BID: variants seen among roughly 807,000 people sequenced by gnomAD.
BID encodes BH3 interacting domain death agonist.
In BID, 19 loss-of-function variants were observed where a neutral mutation model predicts 17.4. The ratio of observed to expected loss-of-function variants is 1.09; its 90% CI spans 0.76 to 1.60. The LOEUF (loss-of-function observed/expected upper bound fraction) is 1.60, where lower values mean the gene tolerates loss of function less well. BID is among the 40% of genes most tolerant of loss of function. BID has a pLI of 0.00. For synonymous variants in BID, 108 were observed against 102.8 expected (o/e 1.05, Z -0.31); for missense variants, 226 against 256.0 (o/e 0.88, Z 0.80).
intron 1 of BID, among the ~76,000 whole-genome samples, chr22:17,759,255 A>AAAACAAAAAAAAC (rs1569049684): frequency 1.3e-5 from 2 of 149,914 alleles, no homozygotes; most frequent in Non-Finnish European, 3.0e-5. Context: ...ACAAAAAAAA[A>AAAACAAAAAAAAC]AAAACAAAAG....
intron 2 of BID, among the ~76,000 whole-genome samples, chr22:17,748,100 T>G (rs2061507367): frequency 6.7e-6 from 1 of 149,408 alleles, no homozygotes; most frequent in South Asian, 2.1e-4. Context: ...TCCCAGCTAC[T>G]CGAGAGGCTG....
Position 17,746,267 on chromosome 22 carries a change from C to T in BID, c.13-2254G>A, listed in dbSNP as rs138087252. Among the ~76,000 whole-genome samples, 887 of 152,258 alleles carry T rather than the reference C, an allele frequency of 5.8e-3. 9 individuals are homozygous for T. The highest frequency in any genetic ancestry group is 7.0e-3 in the Non-Finnish European group (479 of 68,010). ...AGCGCAGAAAGAGTCCCTCTCCATGCGATACCGGAAGCCCAGTCCCCACCA... is the reference window on the plus strand; with the variant it reads ...AGCGCAGAAAGAGTCCCTCTCCATGTGATACCGGAAGCCCAGTCCCCACCA... On this transcript the variant is annotated intron_variant, in intron 2 of 5. Coordinates refer to ENST00000622694, the MANE Select transcript of BID (RefSeq NM_001196.4).
chr22:17,752,420 A>C (rs1403972933), intron 1 of BID, among the ~76,000 whole-genome samples: 1 of 152,232 alleles, frequency 6.6e-6, no homozygotes, highest in Non-Finnish European at 1.5e-5. Context: ...GTTCAAATAC[A>C]TAGCAAATAC....
chr22:17,746,542 CAGTT>C (rs1030817774), intron 2 of BID, among the ~76,000 whole-genome samples: 3 of 152,210 alleles, frequency 2.0e-5, no homozygotes, highest in Admixed American at 1.3e-4. Context: ...CCTGGTGACA[CAGTT>C]AGTGCTGGGC....
chr22:17,737,643 C>T (rs1348224744), intron 5 of BID, among the ~76,000 whole-genome samples: 1 of 152,208 alleles, frequency 6.6e-6, no homozygotes, highest in Non-Finnish European at 1.5e-5. Context: ...ACCGCACTGG[C>T]CACATTACAC....
Position 17,774,399 on chromosome 22 carries a change from G to A in BID, c.-77C>T, listed in dbSNP as rs1225081513. On this transcript the variant is annotated 5_prime_UTR_variant, in exon 1 of 6. Coordinates refer to ENST00000622694, the MANE Select transcript of BID (RefSeq NM_001196.4). ...CACTCACCACCCTCCAGCCGCGGGG[G>A]CGCGGGCGCGTCCGGGCCGAGGCAG... 1.6e-5 allele frequency: 4 copies of A among 245,034 alleles called. No individual in the cohort carries two copies. Among genetic ancestry groups the A allele is most frequent in the South Asian group, 7.3e-5 (2 of 27,568 alleles). 15.2% of individuals were successfully genotyped at this position (245,034 alleles called of 1,614,324 possible). A position where few individuals can be genotyped will look rare whatever the true frequency, so the allele number is the denominator to read the frequency against.
At chr22:17,774,045 C>G (rs991393347) in intron 1 of BID, 1 of 366,244 alleles carries the variant, frequency 2.7e-6, no homozygotes, top group South Asian at 2.7e-5. Flanking sequence ...GGCCCCTCCC[C>G]CTCCCCGCGC....
Position 17,743,810 on chromosome 22 carries a change from T to C in BID, c.216A>G (p.Ile72Met). The change falls in exon 3 of 6, where the codon ATA becomes ATG. Residue 72 changes from isoleucine (I) to methionine (M), a missense_variant. Transcript: ENST00000622694. ...NRSSHSRLGR[I>M]EADSESQEDI... is the part of the protein sequence containing the mutation. ...GTGGGGCCGGCCGCCTACCTGCCTC[T>C]ATTCTTCCCAAGCGGGAGTGGCTGC... The C allele has an allele frequency of 6.2e-7, 1 of 1,612,148 alleles. No individual in the cohort carries two copies. Among genetic ancestry groups the C allele is most frequent in the Non-Finnish European group, 8.5e-7 (1 of 1,179,396 alleles).
chr22:17,742,270 G>A (rs550084548), intron 3 of BID, among the ~76,000 whole-genome samples: 7 of 131,960 alleles, frequency 5.3e-5, no homozygotes, highest in Non-Finnish European at 1.1e-4. Context: ...GGCAAAGGCC[G>A]GCATGGAGAA....
At chr22:17,754,330 G>T (rs923702925) in intron 1 of BID, among the ~76,000 whole-genome samples, 1 of 152,250 alleles carries the variant, frequency 6.6e-6, no homozygotes, top group Non-Finnish European at 1.5e-5. Flanking sequence ...AGGCCCCTCC[G>T]CAGGCCTCCC....
chr22:17,768,872 C>CAAA (rs56172842), intron 1 of BID, among the ~76,000 whole-genome samples: 1 of 73,710 alleles, frequency 1.4e-5, no homozygotes, highest in Non-Finnish European at 2.8e-5. Flanking sequence ...GACTCCGTCT[C>CAAA]AAAAAAAAAA....
intron 1 of BID, among the ~76,000 whole-genome samples, chr22:17,756,435 CTTT>C (rs2061586791): frequency 3.7e-5 from 1 of 26,968 alleles, no homozygotes; most frequent in South Asian, 1.9e-3. Context: ...TTTCTTTCTT[CTTT>C]CTTTCTTTCT....
chr22:17,757,386 G>A (rs1256052856), intron 1 of BID, among the ~76,000 whole-genome samples: 2 of 116,230 alleles, frequency 1.7e-5, no homozygotes, highest in Non-Finnish European at 3.3e-5. Flanking sequence ...CTGGGCAACA[G>A]AGCCTGACCC....
intron 3 of BID, chr22:17,740,136 C>T (rs575145746): frequency 8.1e-6 from 13 of 1,612,354 alleles, no homozygotes; most frequent in South Asian, 1.1e-5. Flanking sequence ...CTGCCGCCTC[C>T]GTTTCTTCCT....
At position 17,758,626 on chromosome 22, in the gene BID, C is replaced by T. The variant is rs151057398; in HGVS notation, c.-58-8452G>A. 3.1e-3 allele frequency among the ~76,000 whole-genome samples: 468 copies of T among 152,308 alleles called. 4 individuals carry two copies. The highest frequency in any genetic ancestry group is 2.4e-3 in the African/African-American group (101 of 41,570). ...AACACAGATGAACTTGAAGACACTA[C>T]GCTGGGCGAACTAGGCCAGTCATGA... is the stretch of plus-strand genomic sequence containing the variant. On this transcript the variant is annotated intron_variant, in intron 1 of 5. Transcript: ENST00000622694.
chr22:17,746,231 G>C (rs1053371772), intron 2 of BID, among the ~76,000 whole-genome samples: 3 of 152,030 alleles, frequency 2.0e-5, no homozygotes, highest in Non-Finnish European at 4.4e-5. Context: ...GTAGGGAGGC[G>C]GGGGCGGGGG....
At chr22:17,771,293 G>A (rs1487791326) in intron 1 of BID, among the ~76,000 whole-genome samples, 1 of 152,160 alleles carries the variant, frequency 6.6e-6, no homozygotes, top group African/African-American at 2.4e-5. Context: ...TAGAGACGGG[G>A]TTTCAACGTC....
At chr22:17,772,373 C>T (rs2061727867) in intron 1 of BID, among the ~76,000 whole-genome samples, 1 of 152,238 alleles carries the variant, frequency 6.6e-6, no homozygotes, top group African/African-American at 2.4e-5. Context: ...CGGGGACACT[C>T]CAGGCCTGTG....
intron 1 of BID, among the ~76,000 whole-genome samples, chr22:17,772,464 G>A (rs938244861): frequency 9.8e-5 from 15 of 152,364 alleles, no homozygotes; most frequent in African/African-American, 3.4e-4. Context: ...AGCTCTGCAG[G>A]GAGGTCTCTC....
Sources: gnomAD v4.1 joint callset for allele counts (sites outside exome capture counted in the v4.1 genomes callset) on GRCh38, gnomAD v4.1.1 for gene constraint, MANE v1.5 for transcripts, NCBI Gene and HGNC (gene_info 2026-07-23, HGNC 2026-07-21) for gene names.